SMYD3: variants seen among roughly 807,000 people sequenced by gnomAD.
The protein encoded by SMYD3 is SET and MYND domain containing 3, also known as histone-lysine N-methyltransferase SMYD3.
Under a neutral mutation model 57.7 loss-of-function variants are expected in SMYD3, and 36 were observed. The observed-to-expected ratio is 0.62, with a 90% confidence interval of 0.48 to 0.82. The LOEUF (loss-of-function observed/expected upper bound fraction) is 0.82. SMYD3 is among the 40% of genes least tolerant of loss of function. SMYD3 has a pLI of 0.00. For missense variants in SMYD3, 515 were observed against 538.8 expected (o/e 0.96, Z 0.44); for synonymous variants, 211 against 195.0 (o/e 1.08, Z -0.68).
In SMYD3 at chr1:246,185,587, G is replaced by T. The variant is rs531924647; in HGVS notation, c.531+141614C>A. Among the ~76,000 whole-genome samples, 43 of 151,184 alleles carry T rather than the reference G, an allele frequency of 2.8e-4. No homozygotes were observed. In the East Asian group the frequency reaches 7.2e-3, roughly 25 times the overall value. On this transcript the variant is annotated intron_variant, in intron 5 of 11. Transcript: ENST00000490107. ...AGCCATTCTCCTGCCTCAGCCTCAC[G>T]AGTAGCTGAAACTACAGGCGCCCGC...
chr1:246,164,954 C>T (rs1490542095), intron 5 of SMYD3, among the ~76,000 whole-genome samples: 1 of 152,148 alleles, frequency 6.6e-6, no homozygotes, highest in Non-Finnish European at 1.5e-5. Context: ...GTGAATGAAG[C>T]TACAGGAATC....
intron 10 of SMYD3, among the ~76,000 whole-genome samples, chr1:245,784,664 G>A (rs1395465389): frequency 6.6e-6 from 1 of 152,040 alleles, no homozygotes; most frequent in African/African-American, 2.4e-5. Flanking sequence ...TTCTAAGAGG[G>A]AATGTCACAA....
At position 245,839,383 on chromosome 1, in the gene SMYD3, A is replaced by G. The variant is rs569228408; in HGVS notation, c.1076+19113T>C. 3.3e-5 allele frequency among the ~76,000 whole-genome samples: 5 copies of G among 151,758 alleles called. No homozygotes were observed. The South Asian group carries it at 6.2e-4, about 19-fold the overall frequency. ...ACGGGGTTTCACCGTGTTAGCCAGGATGGTCTCGATCTCCTGACCTCGTGA... is the reference window on the plus strand; with the variant it reads ...ACGGGGTTTCACCGTGTTAGCCAGGGTGGTCTCGATCTCCTGACCTCGTGA... On this transcript the variant is annotated intron_variant, in intron 10 of 11. Coordinates refer to ENST00000490107, the MANE Select transcript of SMYD3 (RefSeq NM_001167740.2).
chr1:245,825,660 T>G (rs1335213732), intron 10 of SMYD3, among the ~76,000 whole-genome samples: 2 of 152,148 alleles, frequency 1.3e-5, no homozygotes, highest in Non-Finnish European at 2.9e-5. Context: ...ACCTGTTCCA[T>G]GAGTCTGGAA....
rs192026047 is a variant in SMYD3, at chr1:246,483,966, A to C, written c.164+23088T>G. Reference sequence around the variant, plus strand: ...CATATCACTTCAACCAAAATACCTAAACTATTGTACTAGTTACACCTAAAA... The same window carrying C: ...CATATCACTTCAACCAAAATACCTACACTATTGTACTAGTTACACCTAAAA... On this transcript the variant is annotated intron_variant, in intron 1 of 11. Coordinates refer to ENST00000490107, the MANE Select transcript of SMYD3 (RefSeq NM_001167740.2). Among the ~76,000 whole-genome samples, 18 of 151,750 alleles carry C rather than the reference A, an allele frequency of 1.2e-4. No individual in the cohort carries two copies. In the East Asian group the frequency reaches 3.3e-3, roughly 28 times the overall value.
At chr1:246,187,152 G>A (rs1014184214) in intron 5 of SMYD3, among the ~76,000 whole-genome samples, 4 of 152,272 alleles carry the variant, frequency 2.6e-5, no homozygotes, top group Admixed American at 6.5e-5. Flanking sequence ...ACTTTGGTGC[G>A]GTGGCGCACG....
At chr1:245,822,168 T>C (rs543761297) in intron 10 of SMYD3, among the ~76,000 whole-genome samples, 8 of 152,112 alleles carry the variant, frequency 5.3e-5, no homozygotes, top group Non-Finnish European at 1.0e-4. Flanking sequence ...CAATGATAGA[T>C]CGGATTAAGA....
At chr1:245,893,400 T>C (rs576904107) in intron 8 of SMYD3, among the ~76,000 whole-genome samples, 2 of 152,330 alleles carry the variant, frequency 1.3e-5, no homozygotes, top group East Asian at 3.9e-4. Flanking sequence ...ATTTGCACAA[T>C]AACCTGTATG....
At chr1:246,445,223 T>C (rs2067534371) in intron 1 of SMYD3, among the ~76,000 whole-genome samples, 2 of 152,182 alleles carry the variant, frequency 1.3e-5, no homozygotes, top group African/African-American at 4.8e-5. Context: ...CACCAAACAA[T>C]CTAATTGCTA....
At chr1:246,348,192 G>C (rs1432343573) in intron 2 of SMYD3, among the ~76,000 whole-genome samples, 1 of 151,496 alleles carries the variant, frequency 6.6e-6, no homozygotes, top group Non-Finnish European at 1.5e-5. Context: ...AAGGCAGGTG[G>C]ATTGCCTGAG....
At chr1:245,924,765 C>T (rs60555411) in intron 7 of SMYD3, among the ~76,000 whole-genome samples, 17,719 of 148,804 alleles carry the variant, frequency 0.12, 1,975 homozygotes, top group African/African-American at 0.3. Flanking sequence ...TGGGTTTAAG[C>T]GATTCTCCTG....
chr1:245,789,418 A>G (rs2047176711), intron 10 of SMYD3, among the ~76,000 whole-genome samples: 1 of 152,228 alleles, frequency 6.6e-6, no homozygotes, highest in Non-Finnish European at 1.5e-5. Flanking sequence ...GGCAAGCTGT[A>G]AGCAAGGAAA....
intron 5 of SMYD3, among the ~76,000 whole-genome samples, chr1:246,261,482 T>C (rs10924652): frequency 0.21 from 31,459 of 151,798 alleles, 3,971 homozygotes; most frequent in East Asian, 0.58. Context: ...TATTTACATA[T>C]TGAATGTTTT....
At chr1:246,454,796 C>T (rs1454417119) in intron 1 of SMYD3, among the ~76,000 whole-genome samples, 1 of 152,108 alleles carries the variant, frequency 6.6e-6, no homozygotes, top group Admixed American at 6.5e-5. Context: ...TATAAAGCAA[C>T]AGGACTGGAT....
chr1:245,978,887 A>T (rs2058523021), intron 5 of SMYD3, among the ~76,000 whole-genome samples: 1 of 152,212 alleles, frequency 6.6e-6, no homozygotes, highest in Non-Finnish European at 1.5e-5. Flanking sequence ...ATTGATAATG[A>T]ATTTCTTTCC....
At chr1:245,811,697 G>C (rs150909074) in intron 10 of SMYD3, among the ~76,000 whole-genome samples, 2 of 152,198 alleles carry the variant, frequency 1.3e-5, no homozygotes, top group African/African-American at 4.8e-5. Context: ...TCAGTGAGGA[G>C]TGAACACATC....
chr1:245,893,432 A>C (rs2148589203), intron 8 of SMYD3, among the ~76,000 whole-genome samples: 1 of 152,376 alleles, frequency 6.6e-6, no homozygotes, highest in East Asian at 1.9e-4. Flanking sequence ...AGTGGCTTTG[A>C]CAACCACCAA....
chr1:246,113,927 T>A (rs906491820), intron 5 of SMYD3: 1 of 152,184 alleles, frequency 6.6e-6, no homozygotes, highest in Non-Finnish European at 1.5e-5. Flanking sequence ...TCAGTAGGCC[T>A]AAGTGTGACG....
intron 10 of SMYD3, among the ~76,000 whole-genome samples, chr1:245,810,064 A>G (rs925265008): frequency 2.6e-5 from 4 of 152,114 alleles, no homozygotes; most frequent in Non-Finnish European, 5.9e-5. Context: ...ACCACCAGAA[A>G]CCAATTTCAC....
Sources: allele counts gnomAD v4.1 joint callset (sites outside exome capture counted in the v4.1 genomes callset), GRCh38; gene constraint gnomAD v4.1.1; transcripts MANE v1.5; gene names NCBI Gene and HGNC (gene_info 2026-07-23, HGNC 2026-07-21).